Variants in CSMD1 observed in about 807,000 individuals in gnomAD.
CSMD1 encodes CUB and Sushi multiple domains 1.
A neutral mutation model predicts 417.5 loss-of-function variants in CSMD1; 213 were observed. That is an observed-to-expected ratio of 0.51 (90% CI 0.46 to 0.57). CSMD1 has a LOEUF of 0.57. Ranked by LOEUF, CSMD1 falls within the 20% of genes least tolerant of loss-of-function variation. The pLI, the probability that CSMD1 is intolerant of heterozygous loss-of-function variation, is 0.00. For synonymous variants in CSMD1, 2,862 were observed against 1,736.8 expected (o/e 1.65, Z -16.11); for missense variants, 6,923 against 4,529.7 (o/e 1.53, Z -15.17).
chr8:4,293,361 G>C (rs1181391795), intron 3 of CSMD1, among the ~76,000 whole-genome samples: 1 of 152,154 alleles, frequency 6.6e-6, no homozygotes, highest in African/African-American at 2.4e-5. Context: ...TTACTAGTAA[G>C]TCCAATCTAA....
intron 3 of CSMD1, among the ~76,000 whole-genome samples, chr8:4,147,118 C>T (rs1399165912): frequency 1.3e-5 from 2 of 151,944 alleles, no homozygotes; most frequent in African/African-American, 4.8e-5. Flanking sequence ...CCCTCCTGAC[C>T]AATCTCTTCC....
chr8:4,727,981 A>G (rs1403760823), intron 1 of CSMD1, among the ~76,000 whole-genome samples: 12 of 141,602 alleles, frequency 8.5e-5, no homozygotes, highest in South Asian at 6.4e-4. Flanking sequence ...ATATATGTAT[A>G]TATATACAAA....
At chr8:3,232,217 A>T (rs1467980) in intron 26 of CSMD1, among the ~76,000 whole-genome samples, 1 of 152,078 alleles carries the variant, frequency 6.6e-6, no homozygotes, top group Non-Finnish European at 1.5e-5. Flanking sequence ...GTGACTATAA[A>T]TGTATGCATT....
chr8:3,308,737 T>G (rs987924666), intron 23 of CSMD1, among the ~76,000 whole-genome samples: 1 of 145,532 alleles, frequency 6.9e-6, no homozygotes, highest in African/African-American at 2.5e-5. Flanking sequence ...TACAAGTTTT[T>G]TTTTTTTTTT....
chr8:3,392,419 C>G (rs1380266122), intron 17 of CSMD1, among the ~76,000 whole-genome samples: 1 of 152,034 alleles, frequency 6.6e-6, no homozygotes, highest in South Asian at 2.1e-4. Flanking sequence ...TCGAAGGGTG[C>G]TAGACGGGGT....
chr8:4,967,229 A>C (rs1256128195), intron 1 of CSMD1, among the ~76,000 whole-genome samples: 1 of 152,210 alleles, frequency 6.6e-6, no homozygotes, highest in Admixed American at 6.5e-5. Flanking sequence ...AGTAAGTAAA[A>C]AATCAAAGTT....
intron 10 of CSMD1, among the ~76,000 whole-genome samples, chr8:3,500,344 C>G (rs565014469): frequency 3.9e-5 from 6 of 152,108 alleles, no homozygotes; most frequent in Non-Finnish European, 8.8e-5. Flanking sequence ...TTAGACATTT[C>G]TAGATGGTAC....
intron 3 of CSMD1, among the ~76,000 whole-genome samples, chr8:4,153,306 T>C (rs1336911020): frequency 6.6e-6 from 1 of 152,200 alleles, no homozygotes; most frequent in Non-Finnish European, 1.5e-5. Flanking sequence ...ATCTCCGGGC[T>C]CTTCTCACTT....
chr8:4,939,337 A>G (rs900320663), intron 1 of CSMD1, among the ~76,000 whole-genome samples: 36 of 152,220 alleles, frequency 2.4e-4, no homozygotes, highest in African/African-American at 8.4e-4. Context: ...TCGAGGCGGT[A>G]TCTGCAAGCT....
chr8:3,316,251 C>A (rs1040908034), intron 23 of CSMD1, among the ~76,000 whole-genome samples: 14 of 152,106 alleles, frequency 9.2e-5, no homozygotes, highest in African/African-American at 3.4e-4. Context: ...GTAACATCAC[C>A]ATGTGCCCTG....
chr8:3,997,702 C>T (rs1383490738), intron 5 of CSMD1, among the ~76,000 whole-genome samples: 1 of 152,178 alleles, frequency 6.6e-6, no homozygotes, highest in African/African-American at 2.4e-5. Flanking sequence ...GAGCTCCAAA[C>T]ACCAGCACAA....
intron 5 of CSMD1, among the ~76,000 whole-genome samples, chr8:3,984,977 A>G (rs1052617321): frequency 1.3e-5 from 2 of 152,086 alleles, no homozygotes; most frequent in African/African-American, 4.8e-5. Context: ...CTTGGGAAAG[A>G]TGGATTATTC....
At chr8:3,241,048 C>CT (rs1563175640) in intron 26 of CSMD1, among the ~76,000 whole-genome samples, 4 of 146,628 alleles carry the variant, frequency 2.7e-5, no homozygotes, top group Non-Finnish European at 6.1e-5. Flanking sequence ...AGAGGTATCT[C>CT]ATACTTGTGG....
At chr8:4,084,914 A>C (rs1242013534) in intron 3 of CSMD1, among the ~76,000 whole-genome samples, 1 of 151,966 alleles carries the variant, frequency 6.6e-6, no homozygotes, top group Non-Finnish European at 1.5e-5. Context: ...ACAAAAACAA[A>C]AACAAAACTA....
At chr8:4,099,619 A>G (rs1801203239) in intron 3 of CSMD1, among the ~76,000 whole-genome samples, 1 of 152,162 alleles carries the variant, frequency 6.6e-6, no homozygotes, top group Non-Finnish European at 1.5e-5. Flanking sequence ...CAATTAAAAA[A>G]AAAAAACCTC....
At chr8:4,568,573 A>G (rs749640452) in intron 2 of CSMD1, among the ~76,000 whole-genome samples, 1 of 152,176 alleles carries the variant, frequency 6.6e-6, no homozygotes, top group Non-Finnish European at 1.5e-5. Flanking sequence ...TGGTGCTGCA[A>G]TACACATACG....
intron 1 of CSMD1, among the ~76,000 whole-genome samples, chr8:4,823,018 G>T (rs1424033196): frequency 6.6e-6 from 1 of 152,064 alleles, no homozygotes; most frequent in Non-Finnish European, 1.5e-5. Context: ...ACAATTTGCA[G>T]TTCTCATTCC....
intron 3 of CSMD1, among the ~76,000 whole-genome samples, chr8:4,379,908 C>G (rs150272867): frequency 6.6e-6 from 1 of 152,176 alleles, no homozygotes; most frequent in Non-Finnish European, 1.5e-5. Context: ...ACACACTGGA[C>G]GTGAACTCCA....
At chr8:4,186,098 T>C (rs1798660185) in intron 3 of CSMD1, among the ~76,000 whole-genome samples, 1 of 152,116 alleles carries the variant, frequency 6.6e-6, no homozygotes, top group African/African-American at 2.4e-5. Context: ...GGCACCCTCT[T>C]TGATTGGGCC....
Sources: gnomAD v4.1 joint callset for allele counts (sites outside exome capture counted in the v4.1 genomes callset) on GRCh38, gnomAD v4.1.1 for gene constraint, MANE v1.5 for transcripts, NCBI Gene and HGNC (gene_info 2026-07-23, HGNC 2026-07-21) for gene names.